The following QTMAN variants were observed in gnomAD, a reference collection of about 807,000 sequenced individuals.
QTMAN encodes queuosine-tRNA mannosyltransferase.
chr2:144,040,932 C>T, the QTMAN span, among the ~76,000 whole-genome samples: 1 of 152,218 alleles, frequency 6.6e-6, no homozygotes, highest in East Asian at 1.9e-4. Flanking sequence ...AACTTCTCTT[C>T]CAGAGTGTAC....
the QTMAN span, among the ~76,000 whole-genome samples, chr2:144,231,683 T>A: frequency 6.6e-6 from 1 of 152,070 alleles, no homozygotes; most frequent in East Asian, 1.9e-4. Context: ...AATAGGACAA[T>A]TCACATTGTC....
chr2:144,213,314 G>A, the QTMAN span, among the ~76,000 whole-genome samples: 1 of 152,082 alleles, frequency 6.6e-6, no homozygotes, highest in African/African-American at 2.4e-5. Flanking sequence ...ATTTAGAACT[G>A]CTGTGGTAGT....
At chr2:144,306,941 C>G in the QTMAN span, among the ~76,000 whole-genome samples, 2 of 151,930 alleles carry the variant, frequency 1.3e-5, no homozygotes, top group East Asian at 1.9e-4. Context: ...GCGGGTGGAT[C>G]ACCAGGTCAG....
chr2:144,193,286 T>C, the QTMAN span, among the ~76,000 whole-genome samples: 4 of 151,944 alleles, frequency 2.6e-5, no homozygotes, highest in African/African-American at 4.8e-5. Context: ...TAGGAGGCAT[T>C]AGATAAATGT....
the QTMAN span, among the ~76,000 whole-genome samples, chr2:144,229,995 T>C: frequency 6.1e-4 from 93 of 152,202 alleles, 3 homozygotes; most frequent in South Asian, 0.018. Flanking sequence ...TCAAAGACAA[T>C]CTATGAAAAT....
chr2:144,215,536 T>C, the QTMAN span, among the ~76,000 whole-genome samples: 2 of 152,162 alleles, frequency 1.3e-5, no homozygotes, highest in African/African-American at 4.8e-5. Context: ...ATATTCCACA[T>C]TATATTAAAA....
chr2:144,119,883 CA>C, the QTMAN span, among the ~76,000 whole-genome samples: 1 of 146,572 alleles, frequency 6.8e-6, no homozygotes, highest in Non-Finnish European at 1.5e-5. Context: ...AAACAAAAAA[CA>C]AAAAAAACTA....
the QTMAN span, among the ~76,000 whole-genome samples, chr2:144,325,535 T>C: frequency 2.6e-5 from 4 of 151,890 alleles, no homozygotes; most frequent in Non-Finnish European, 5.9e-5. Flanking sequence ...AAAATCAAGA[T>C]TGAGGTCATG....
chr2:144,132,854 G>C, the QTMAN span, among the ~76,000 whole-genome samples: 1 of 151,340 alleles, frequency 6.6e-6, no homozygotes, highest in African/African-American at 2.4e-5. Flanking sequence ...AAAAGTTGTA[G>C]GTTGTAGTCA....
At chr2:144,191,963 A>C in the QTMAN span, among the ~76,000 whole-genome samples, 1,463 of 152,352 alleles carry the variant, frequency 9.6e-3, 21 homozygotes, top group African/African-American at 0.033. Context: ...ACGTAAAAAC[A>C]TTATTAACAG....
chr2:144,270,563 C>G, the QTMAN span, among the ~76,000 whole-genome samples: 1 of 148,604 alleles, frequency 6.7e-6, no homozygotes, highest in African/African-American at 2.5e-5. Flanking sequence ...AACAGAAAAC[C>G]AAACACTGCA....
chr2:144,101,624 A>C, the QTMAN span, among the ~76,000 whole-genome samples: 1 of 152,262 alleles, frequency 6.6e-6, no homozygotes, highest in Non-Finnish European at 1.5e-5. Flanking sequence ...TCCCCACAGA[A>C]TTCTCCAGGT....
the QTMAN span, among the ~76,000 whole-genome samples, chr2:144,068,354 T>G: frequency 6.6e-6 from 1 of 152,230 alleles, no homozygotes; most frequent in African/African-American, 2.4e-5. Flanking sequence ...CACAGTTCTG[T>G]TTGACTGTAT....
the QTMAN span, among the ~76,000 whole-genome samples, chr2:144,016,615 G>A: frequency 6.6e-6 from 1 of 152,144 alleles, no homozygotes; most frequent in Admixed American, 6.5e-5. Context: ...CTAATCATGT[G>A]TTCTATTCCA....
chr2:144,200,415 T>C, the QTMAN span, among the ~76,000 whole-genome samples: 7 of 152,224 alleles, frequency 4.6e-5, no homozygotes, highest in Non-Finnish European at 1.0e-4. Flanking sequence ...ATCACAGGCA[T>C]GTTCTAGACC....
chr2:144,287,377 G>A, the QTMAN span, among the ~76,000 whole-genome samples: 1 of 151,348 alleles, frequency 6.6e-6, no homozygotes, highest in Non-Finnish European at 1.5e-5. Context: ...AGAGCTTGCA[G>A]TGAGTGAGCC....
At chr2:144,099,622 T>C in the QTMAN span, among the ~76,000 whole-genome samples, 3 of 152,310 alleles carry the variant, frequency 2.0e-5, no homozygotes, top group South Asian at 4.1e-4. Context: ...TTCCACATTG[T>C]ATGCTTCATT....
At chr2:144,049,904 T>G in the QTMAN span, among the ~76,000 whole-genome samples, 4 of 152,252 alleles carry the variant, frequency 2.6e-5, no homozygotes, top group South Asian at 8.3e-4. Context: ...AGCCACCTAT[T>G]TAGTAAAGAT....
the QTMAN span, among the ~76,000 whole-genome samples, chr2:144,244,650 C>T: frequency 6.6e-6 from 1 of 152,110 alleles, no homozygotes; most frequent in Admixed American, 6.5e-5. Flanking sequence ...CGGCTATTCT[C>T]ATTAAACAAG....
Sources: gnomAD v4.1 joint callset for allele counts (sites outside exome capture counted in the v4.1 genomes callset) on GRCh38, gnomAD v4.1.1 for gene constraint, MANE v1.5 for transcripts, NCBI Gene and HGNC (gene_info 2026-07-23, HGNC 2026-07-21) for gene names.